The following DPYSL2 variants were observed in gnomAD, a reference collection of about 807,000 sequenced individuals.
DPYSL2 encodes dihydropyrimidinase-related protein 2.
In DPYSL2, 13 loss-of-function variants were observed where a neutral mutation model predicts 69.9. The ratio of observed to expected loss-of-function variants is 0.19; its 90% confidence interval spans 0.12 to 0.30. The LOEUF (loss-of-function observed/expected upper bound fraction) is 0.30, where lower values mean the gene tolerates loss of function less well. Among genes scored for constraint, DPYSL2 ranks in the 10% least tolerant of loss-of-function variants. The pLI is 1.00. For synonymous variants in DPYSL2, 326 were observed against 359.1 expected, an observed-to-expected ratio of 0.91 and a Z score of 1.04; for missense variants, 587 against 918.9, an observed-to-expected ratio of 0.64 and a Z score of 4.67.
chr8:26,530,041 G>A (rs1800478391), intron 1 of DPYSL2, among the ~76,000 whole-genome samples: 1 of 148,486 alleles, frequency 6.7e-6, no homozygotes, highest in Admixed American at 6.8e-5. Context: ...GAGCCCGGGA[G>A]GTGGAGGTTG....
At chr8:26,612,637 A>AG (rs1369164550) in intron 3 of DPYSL2, among the ~76,000 whole-genome samples, 2 of 152,230 alleles carry the variant, frequency 1.3e-5, no homozygotes, top group Non-Finnish European at 2.9e-5. Flanking sequence ...GGATCACTTG[A>AG]GCTCATTATC....
chr8:26,528,003 C>T (rs1309638466), intron 1 of DPYSL2, among the ~76,000 whole-genome samples: 2 of 152,048 alleles, frequency 1.3e-5, no homozygotes, highest in African/African-American at 4.8e-5. Context: ...GAGGTTTCAC[C>T]ATGTTGGCCA....
At chr8:26,522,225 T>C (rs1808398103) in intron 1 of DPYSL2, among the ~76,000 whole-genome samples, 1 of 152,194 alleles carries the variant, frequency 6.6e-6, no homozygotes. Flanking sequence ...TGAGAATCGC[T>C]TGAACCCAGG....
At chr8:26,535,598 G>T (rs17319277) in intron 1 of DPYSL2, among the ~76,000 whole-genome samples, 1 of 150,280 alleles carries the variant, frequency 6.7e-6, no homozygotes, top group South Asian at 2.1e-4. Flanking sequence ...GTTTGGGCCC[G>T]TTTATACAAA....
At chr8:26,636,763 T>C (rs948340134) in intron 8 of DPYSL2, among the ~76,000 whole-genome samples, 3 of 152,074 alleles carry the variant, frequency 2.0e-5, no homozygotes, top group African/African-American at 7.2e-5. Flanking sequence ...ATTTTTGAGA[T>C]GGAGTCTCAC....
intron 1 of DPYSL2, among the ~76,000 whole-genome samples, chr8:26,575,825 G>A (rs1353996479): frequency 1.3e-5 from 2 of 152,178 alleles, no homozygotes; most frequent in African/African-American, 4.8e-5. Context: ...AAATTAATTT[G>A]AGTCTCTTTA....
chr8:26,543,677 G>A (rs775294099), intron 1 of DPYSL2, among the ~76,000 whole-genome samples: 10 of 152,194 alleles, frequency 6.6e-5, no homozygotes, highest in African/African-American at 9.6e-5. Context: ...AGTAGAGACA[G>A]TGTTTCACCA....
chr8:26,529,619 A>G (rs1585491197), intron 1 of DPYSL2, among the ~76,000 whole-genome samples: 2 of 151,844 alleles, frequency 1.3e-5, no homozygotes, highest in Admixed American at 1.3e-4. Flanking sequence ...GCTGCCTATA[A>G]TTTTTCTTTT....
chr8:26,653,055 G>A lies in DPYSL2; in HGVS notation c.1777-177G>A, dbSNP rs765807665. ...TAGAGTTAACCAGTTACTGGACCTTGTGGGGAGTTTTGGCCTGGCATGGTG... is the reference window on the plus strand; with the variant it reads ...TAGAGTTAACCAGTTACTGGACCTTATGGGGAGTTTTGGCCTGGCATGGTG... On this transcript the variant is annotated intron_variant, in intron 12 of 13. Transcript: ENST00000521913. This position sits in a 1 kb window ranked among gnomAD's most constrained non-coding sequence, Gnocchi z 5.7. Among the ~76,000 whole-genome samples the A allele has an allele frequency of 6.6e-6, 1 of 152,178 alleles. No homozygotes were observed. Among genetic ancestry groups the A allele is most frequent in the Non-Finnish European group, 1.5e-5 (1 of 68,032 alleles).
At chr8:26,530,989 T>C (rs1019282872) in intron 1 of DPYSL2, among the ~76,000 whole-genome samples, 1 of 150,142 alleles carries the variant, frequency 6.7e-6, no homozygotes, top group African/African-American at 2.5e-5. Context: ...AGCCGAGGAG[T>C]TTGAGGCTGC....
intron 3 of DPYSL2, among the ~76,000 whole-genome samples, chr8:26,603,607 A>G (rs1802043614): frequency 6.6e-6 from 1 of 152,170 alleles, no homozygotes; most frequent in Non-Finnish European, 1.5e-5. Flanking sequence ...CCAGAACTTT[A>G]TCATCATCCC....
Position 26,562,009 on chromosome 8 carries a change from A to T in DPYSL2, c.355-19960A>T, listed in dbSNP as rs2051140118. Among the ~76,000 whole-genome samples, 1 of 152,194 alleles carries T rather than the reference A, an allele frequency of 6.6e-6. No homozygotes were observed. The highest frequency in any genetic ancestry group is 6.5e-5 in the Admixed American group (1 of 15,280). ...TCCAAATCTAGAGTTCACACTTGAT[A>T]TTATAGTTTTATTTACATACCACCA... On this transcript the variant is annotated intron_variant, in intron 1 of 13. Transcript: ENST00000521913. This position sits in a 1 kb window ranked among gnomAD's most constrained non-coding sequence, Gnocchi z 4.9.
chr8:26,588,141 C>G lies in DPYSL2; in HGVS notation c.628+4158C>G, dbSNP rs138698509. Among the ~76,000 whole-genome samples the G allele has an allele frequency of 6.6e-6, 1 of 152,200 alleles. No individual in the cohort carries two copies. The highest frequency in any genetic ancestry group is 6.5e-5 in the Admixed American group (1 of 15,288). The stretch of plus-strand genomic sequence containing the variant: ...CATGTGGTAGCTATTGTCATTCCAT[C>G]CTTGCTGGGTACTGACACCCTCCCA... On this transcript the variant is annotated intron_variant, in intron 3 of 13. Transcript: ENST00000521913. This position sits in a 1 kb window ranked among gnomAD's most constrained non-coding sequence, Gnocchi z 5.4.
intron 1 of DPYSL2, among the ~76,000 whole-genome samples, chr8:26,545,910 C>A (rs566214427): frequency 3.3e-5 from 5 of 152,180 alleles, no homozygotes; most frequent in Admixed American, 6.6e-5. Context: ...TATAGTAAAT[C>A]TTGAAGTCAG....
rs948376825 is a variant in DPYSL2, at chr8:26,588,019, C to G, written c.628+4036C>G. ...CGCTTGCCCTGGGGCCACCTTTGCT[C>G]TCAGCCTCAGTGGCCTCATCTGCAA... On this transcript the variant is annotated intron_variant, in intron 3 of 13. Transcript: ENST00000521913. The surrounding 1 kb of genome is among the most constrained non-coding windows in gnomAD (Gnocchi z 5.4). 3.3e-5 allele frequency among the ~76,000 whole-genome samples: 5 copies of G among 152,226 alleles called. No individual in the cohort carries two copies. Among genetic ancestry groups the G allele is most frequent in the Admixed American group, 6.5e-5 (1 of 15,286 alleles).
chr8:26,581,875 T>C, intron 1 of DPYSL2, 94 bp from the exon 2 acceptor site: 1 of 1,001,850 alleles, frequency 1.0e-6, no homozygotes, highest in Admixed American at 1.9e-5. Context: ...ACATCACTTT[T>C]GAACAGTGAA....
intron 3 of DPYSL2, among the ~76,000 whole-genome samples, chr8:26,623,173 A>G (rs1189887553): frequency 6.6e-6 from 1 of 152,164 alleles, no homozygotes; most frequent in Non-Finnish European, 1.5e-5. Context: ...GCAGGTAGAT[A>G]TTTTAGGAGC....
At chr8:26,628,435 G>T (rs1281311905) in intron 7 of DPYSL2, among the ~76,000 whole-genome samples, 2 of 152,230 alleles carry the variant, frequency 1.3e-5, no homozygotes. Flanking sequence ...ATGGAGGGAA[G>T]ATTCAGAGCA....
rs761045669 is a variant in DPYSL2, at chr8:26,652,738, T to G, written c.1776+302T>G. ...AGAGTGTCATGGGGAGAGGACATTT[T>G]GAGTTGGGCTTTGAAGGTTAAGTAG... On this transcript the variant is annotated intron_variant, in intron 12 of 13. Transcript: ENST00000521913. This position sits in a 1 kb window ranked among gnomAD's most constrained non-coding sequence, Gnocchi z 6.3. Among the ~76,000 whole-genome samples, 59 of 152,100 alleles carry G rather than the reference T, an allele frequency of 3.9e-4. No individual in the cohort carries two copies. Among genetic ancestry groups the G allele is most frequent in the Non-Finnish European group, 1.6e-4 (11 of 68,024 alleles).
Sources: gnomAD v4.1 joint callset for allele counts (sites outside exome capture counted in the v4.1 genomes callset) on GRCh38, gnomAD v4.1.1 for gene constraint, Gnocchi (gnomAD v3.1) non-coding constraint, MANE v1.5 for transcripts, NCBI Gene and HGNC (gene_info 2026-07-23, HGNC 2026-07-21) for gene names.